Variants in DPP10 observed in about 807,000 individuals in gnomAD.
DPP10 encodes dipeptidyl peptidase like 10, also known as inactive dipeptidyl peptidase 10.
Under a neutral mutation model 120.9 loss-of-function variants are expected in DPP10, and 33 were observed. The ratio of observed to expected loss-of-function variants is 0.27; its 90% confidence interval spans 0.21 to 0.37. The LOEUF (loss-of-function observed/expected upper bound fraction) is 0.37. Among genes scored for constraint, DPP10 ranks in the 10% least tolerant of loss-of-function variants. The pLI is 1.00. For synonymous variants in DPP10, 337 were observed against 326.1 expected, an observed-to-expected ratio of 1.03 and a Z score of -0.36; for missense variants, 816 against 942.8, an observed-to-expected ratio of 0.87 and a Z score of 1.76.
intron 21 of DPP10, among the ~76,000 whole-genome samples, chr2:115,833,892 T>C (rs186130210): frequency 6.6e-6 from 1 of 152,252 alleles, no homozygotes; most frequent in Admixed American, 6.5e-5. Flanking sequence ...CTTTAGCTAT[T>C]TACTTTCTTG....
At chr2:115,359,751 G>A (rs2064645928) in intron 3 of DPP10, among the ~76,000 whole-genome samples, 1 of 151,964 alleles carries the variant, frequency 6.6e-6, no homozygotes, top group Non-Finnish European at 1.5e-5. Context: ...GAATGCTATT[G>A]CATAATAGGC....
intron 1 of DPP10, among the ~76,000 whole-genome samples, chr2:114,768,637 CT>C (rs1272814535): frequency 1.3e-5 from 2 of 152,082 alleles, no homozygotes; most frequent in Non-Finnish European, 2.9e-5. Flanking sequence ...CGGCAAAGTC[CT>C]TTTTGCAGTG....
intron 5 of DPP10, among the ~76,000 whole-genome samples, chr2:115,600,489 C>T (rs202039232): frequency 6.0e-4 from 92 of 152,258 alleles, no homozygotes; most frequent in East Asian, 5.0e-3. Flanking sequence ...CTTAATTAAA[C>T]GTGTTAGCTG....
chr2:115,211,341 G>A (rs2056497950), intron 1 of DPP10, among the ~76,000 whole-genome samples: 1 of 151,152 alleles, frequency 6.6e-6, no homozygotes, highest in East Asian at 2.0e-4. Flanking sequence ...TAAAACAAAA[G>A]AATAGGAAGT....
At chr2:115,477,816 A>G (rs549282927) in intron 3 of DPP10, among the ~76,000 whole-genome samples, 20 of 152,178 alleles carry the variant, frequency 1.3e-4, no homozygotes, top group Non-Finnish European at 2.6e-4. Context: ...GTGTGTTGCT[A>G]TTATACATAT....
intron 19 of DPP10, among the ~76,000 whole-genome samples, chr2:115,800,349 G>A (rs1685056355): frequency 6.6e-6 from 1 of 152,076 alleles, no homozygotes; most frequent in African/African-American, 2.4e-5. Context: ...TTTGTCAGAT[G>A]AGTAGGTTGC....
chr2:115,383,400 G>A (rs1030746862), intron 3 of DPP10, among the ~76,000 whole-genome samples: 2 of 152,196 alleles, frequency 1.3e-5, no homozygotes, highest in Admixed American at 6.5e-5. Context: ...GTCCTCCCCA[G>A]CCATGTGGAA....
intron 5 of DPP10, among the ~76,000 whole-genome samples, chr2:115,566,346 A>T (rs10191440): frequency 0.015 from 2,345 of 152,068 alleles, 62 homozygotes; most frequent in African/African-American, 0.054. Flanking sequence ...TTTTTTCTAT[A>T]TGGTGGTTTT....
chr2:115,689,605 C>A, intron 5 of DPP10, 82 bp from the exon 6 acceptor site: 1 of 934,746 alleles, frequency 1.1e-6, no homozygotes, highest in Non-Finnish European at 1.6e-6. Flanking sequence ...TCTTGGATTA[C>A]CTGGATGTTA....
intron 17 of DPP10, among the ~76,000 whole-genome samples, chr2:115,790,780 T>C (rs1683884137): frequency 6.6e-6 from 1 of 152,202 alleles, no homozygotes; most frequent in South Asian, 2.1e-4. Context: ...GTGAATCGCA[T>C]CTCATTTGGT....
chr2:115,086,465 T>G (rs1403610209), intron 1 of DPP10, among the ~76,000 whole-genome samples: 2 of 148,672 alleles, frequency 1.3e-5, no homozygotes, highest in African/African-American at 5.0e-5. Flanking sequence ...TTTTTTTTTT[T>G]TTTTTTTGTG....
rs151210341 is a variant in DPP10 at position 114,542,542 on chromosome 2, G to T, written c.60+99704G>T. Among the ~76,000 whole-genome samples, 26 of 152,226 alleles carry T rather than the reference G, an allele frequency of 1.7e-4. No individual in the cohort carries two copies. In the East Asian group the frequency reaches 4.6e-3, roughly 27 times the overall value. ...CTTCAGCATCCTCTGTATCCCTAAG[G>T]AATGCAGTTTCTGCCCCTCTTATCC... On this transcript the variant is annotated intron_variant, in intron 1 of 25. Transcript: ENST00000410059.
intron 3 of DPP10, among the ~76,000 whole-genome samples, chr2:115,393,378 A>G (rs2067455268): frequency 6.6e-6 from 1 of 152,172 alleles, no homozygotes. Context: ...CTAATAAATG[A>G]AACTGGTAAA....
intron 8 of DPP10, among the ~76,000 whole-genome samples, chr2:115,737,339 G>A (rs1676678042): frequency 6.6e-6 from 1 of 152,112 alleles, no homozygotes; most frequent in African/African-American, 2.4e-5. Context: ...CAGTGGATCA[G>A]ATAGCCATCA....
At chr2:114,586,942 C>T (rs540354734) in intron 1 of DPP10, among the ~76,000 whole-genome samples, 5 of 152,196 alleles carry the variant, frequency 3.3e-5, no homozygotes, top group Non-Finnish European at 7.3e-5. Context: ...GAAGCAGATG[C>T]TGGTAACCAT....
chr2:115,630,676 A>G (rs1198546221), intron 5 of DPP10, among the ~76,000 whole-genome samples: 2 of 151,984 alleles, frequency 1.3e-5, no homozygotes, highest in African/African-American at 4.8e-5. Flanking sequence ...TGGTTTTTAT[A>G]TTTAGTTCTG....
intron 1 of DPP10, among the ~76,000 whole-genome samples, chr2:115,294,337 T>C (rs2060789478): frequency 1.3e-5 from 2 of 152,132 alleles, no homozygotes; most frequent in African/African-American, 4.8e-5. Flanking sequence ...GAAATTCTAA[T>C]GCATATCAGG....
At chr2:114,517,348 C>T (rs1684676467) in intron 1 of DPP10, among the ~76,000 whole-genome samples, 1 of 152,100 alleles carries the variant, frequency 6.6e-6, no homozygotes, top group South Asian at 2.1e-4. Context: ...TGGTGAAACC[C>T]CATCTCTGCT....
intron 1 of DPP10, among the ~76,000 whole-genome samples, chr2:114,761,505 TG>T (rs1252612076): frequency 6.6e-6 from 1 of 152,132 alleles, no homozygotes; most frequent in East Asian, 1.9e-4. Flanking sequence ...GCAAGATAGA[TG>T]GGTTTGCTAG....
Sources: gnomAD v4.1 joint callset for allele counts (sites outside exome capture counted in the v4.1 genomes callset) on GRCh38, gnomAD v4.1.1 for gene constraint, MANE v1.5 for transcripts, NCBI Gene and HGNC (gene_info 2026-07-23, HGNC 2026-07-21) for gene names.